Variants in PTPRZ1 observed in about 807,000 individuals in gnomAD.
PTPRZ1 encodes the protein receptor-type tyrosine-protein phosphatase zeta.
A neutral mutation model predicts 214.1 loss-of-function variants in PTPRZ1; 82 were observed. That is an observed-to-expected ratio of 0.38 (90% CI 0.32 to 0.46). PTPRZ1 has a LOEUF of 0.46. Among genes scored for constraint, PTPRZ1 ranks in the 20% least tolerant of loss-of-function variants. PTPRZ1 has a pLI of 1.00. For missense variants in PTPRZ1, 2,603 were observed against 2,748.7 expected (o/e 0.95, Z 1.19); for synonymous variants, 945 against 987.9 (o/e 0.96, Z 0.81).
In PTPRZ1 at chr7:121,992,031, G is replaced by A. The variant is rs117555369; in HGVS notation, c.929-4351G>A. 3.2e-4 allele frequency among the ~76,000 whole-genome samples: 49 copies of A among 152,274 alleles called. No homozygotes were observed. In the East Asian group the frequency reaches 6.4e-3, roughly 20 times the overall value. The stretch of plus-strand genomic sequence containing the variant: ...GGTGGACTTATTAGCATGTATTTAC[G>A]AAGCACTTTTGGCATGAGCTGTGTT... On this transcript the variant is annotated intron_variant, in intron 8 of 29. Transcript: ENST00000393386.
chr7:121,979,143 C>T (rs771771668), intron 6 of PTPRZ1, among the ~76,000 whole-genome samples: 4 of 152,064 alleles, frequency 2.6e-5, no homozygotes, highest in Non-Finnish European at 4.4e-5. Context: ...GCTGGTTGCT[C>T]ATTTCCTGTT....
In PTPRZ1 at chr7:122,048,493, A is replaced by G. The variant is rs116104961; in HGVS notation, c.6085-2935A>G. Among the ~76,000 whole-genome samples the G allele has an allele frequency of 6.5e-3, 986 of 152,292 alleles. 20 individuals are homozygous for G. The highest frequency in any genetic ancestry group is 0.021 in the African/African-American group (889 of 41,582). ...GTTCTAAAATAACTAAAAGCATATC[A>G]TTGGATTGTTTGTAACACAAAGAAA... On this transcript the variant is annotated intron_variant, in intron 23 of 29. Coordinates refer to ENST00000393386, the MANE Select transcript of PTPRZ1 (RefSeq NM_002851.3).
rs145255078 is a variant in PTPRZ1 at position 121,900,889 on chromosome 7, A to C, written c.59-27267A>C. ...GTTTCTTGTACATGAACGATGTGCC[A>C]ATCACTGCTGTTTTCCATTTATCAT... On this transcript the variant is annotated intron_variant, in intron 1 of 29. Coordinates refer to ENST00000393386, the MANE Select transcript of PTPRZ1 (RefSeq NM_002851.3). Among the ~76,000 whole-genome samples, 357 of 152,314 alleles carry C rather than the reference A, an allele frequency of 2.3e-3. 1 individual carries two copies. The highest frequency in any genetic ancestry group is 8.0e-3 in the African/African-American group (332 of 41,562).
chr7:122,054,864 A>G, intron 26 of PTPRZ1, 77 bp from the exon 27 acceptor site: 1 of 1,381,982 alleles, frequency 7.2e-7, no homozygotes, highest in South Asian at 1.6e-5. Flanking sequence ...GTGCCAACCA[A>G]TTAACTTTAT....
At chr7:121,976,524 A>G (rs577846606) in intron 5 of PTPRZ1, among the ~76,000 whole-genome samples, 1 of 152,302 alleles carries the variant, frequency 6.6e-6, no homozygotes, top group South Asian at 2.1e-4. Context: ...AGTACATAAA[A>G]GCATCATATT....
At chr7:121,891,805 C>A (rs1794633055) in intron 1 of PTPRZ1, among the ~76,000 whole-genome samples, 1 of 151,874 alleles carries the variant, frequency 6.6e-6, no homozygotes, top group Admixed American at 6.6e-5. Flanking sequence ...TTTAATTATT[C>A]TAGACATTAA....
chr7:121,918,068 C>A (rs1025565735), intron 1 of PTPRZ1, among the ~76,000 whole-genome samples: 1 of 151,550 alleles, frequency 6.6e-6, no homozygotes. Flanking sequence ...AAAAGGAATT[C>A]ATGCCAAAAA....
chr7:122,008,694 GAGA>G (rs968510356), intron 11 of PTPRZ1, among the ~76,000 whole-genome samples: 4 of 152,078 alleles, frequency 2.6e-5, no homozygotes, highest in Admixed American at 6.6e-5. Context: ...TTTTGGTAGA[GAGA>G]AGGAGTGTGG....
intron 15 of PTPRZ1, among the ~76,000 whole-genome samples, chr7:122,033,055 T>C (rs926896759): frequency 3.9e-5 from 6 of 152,038 alleles, no homozygotes; most frequent in African/African-American, 1.4e-4. Flanking sequence ...TTCATAACTA[T>C]AAAATCATTT....
chr7:122,009,457 TAAA>T (rs56259188), intron 11 of PTPRZ1, among the ~76,000 whole-genome samples: 6 of 141,992 alleles, frequency 4.2e-5, no homozygotes, highest in African/African-American at 7.7e-5. Flanking sequence ...CCACATGAAC[TAAA>T]AAAAAAAAAA....
chr7:121,893,388 T>C (rs546243634), intron 1 of PTPRZ1, among the ~76,000 whole-genome samples: 34 of 152,246 alleles, frequency 2.2e-4, no homozygotes, highest in Non-Finnish European at 4.3e-4. Flanking sequence ...ACATCCAATG[T>C]TCTTTTATCT....
chr7:121,978,156 T>C (rs1204348046), intron 6 of PTPRZ1, among the ~76,000 whole-genome samples: 1 of 152,212 alleles, frequency 6.6e-6, no homozygotes, highest in East Asian at 1.9e-4. Flanking sequence ...TTCAGGAAGA[T>C]ACTTTGTCAG....
At chr7:121,989,459 C>G (rs982232690) in intron 8 of PTPRZ1, among the ~76,000 whole-genome samples, 2 of 150,186 alleles carry the variant, frequency 1.3e-5, no homozygotes, top group Non-Finnish European at 2.9e-5. Flanking sequence ...ACCGCAACCT[C>G]CGCCTCCTGG....
At chr7:121,891,908 AC>A (rs756613943) in intron 1 of PTPRZ1, among the ~76,000 whole-genome samples, 2 of 152,078 alleles carry the variant, frequency 1.3e-5, no homozygotes, top group Non-Finnish European at 2.9e-5. Context: ...ATGCATTACC[AC>A]CCACCACCAG....
At chr7:122,023,890 A>C (rs1285627932) in intron 13 of PTPRZ1, among the ~76,000 whole-genome samples, 1 of 147,226 alleles carries the variant, frequency 6.8e-6, no homozygotes, top group Admixed American at 7.0e-5. Flanking sequence ...GGAATAGAAT[A>C]ATACACATTT....
chr7:121,960,196 G>A (rs1470597050), intron 2 of PTPRZ1, among the ~76,000 whole-genome samples: 2 of 152,148 alleles, frequency 1.3e-5, no homozygotes, highest in South Asian at 2.1e-4. Flanking sequence ...GCGCCAACAC[G>A]CCTGGCTAAT....
chr7:122,054,937 G>T lies in PTPRZ1; in HGVS notation c.6382-4G>T, dbSNP rs1210107880. On this transcript the variant is annotated splice_polypyrimidine_tract_variant and splice_region_variant and intron_variant, in intron 26 of 29. Transcript: ENST00000393386. ...AGACTCTTCTTTCATTTGCAATTCTGCAGGCAGAAGATGAATTTGTTTACT... is the reference window on the plus strand; with the variant it reads ...AGACTCTTCTTTCATTTGCAATTCTTCAGGCAGAAGATGAATTTGTTTACT... The T allele has an allele frequency of 1.9e-6, 3 of 1,581,020 alleles. No homozygotes were observed. The highest frequency in any genetic ancestry group is 1.9e-5 in the Admixed American group (1 of 53,654).
intron 18 of PTPRZ1, among the ~76,000 whole-genome samples, chr7:122,037,500 G>A (rs780794400): frequency 1.3e-5 from 2 of 152,070 alleles, no homozygotes; most frequent in African/African-American, 2.4e-5. Context: ...ACTGTAGACC[G>A]CTCACTAACT....
intron 13 of PTPRZ1, among the ~76,000 whole-genome samples, chr7:122,019,860 C>T (rs911217270): frequency 1.3e-5 from 2 of 151,998 alleles, no homozygotes; most frequent in African/African-American, 4.8e-5. Context: ...TCCCTAAAGA[C>T]AAGAATAATT....
Sources: allele counts gnomAD v4.1 joint callset (sites outside exome capture counted in the v4.1 genomes callset), GRCh38; gene constraint gnomAD v4.1.1; transcripts MANE v1.5; gene names NCBI Gene and HGNC (gene_info 2026-07-23, HGNC 2026-07-21).